SGCZ: variants seen among roughly 807,000 people sequenced by gnomAD.
SGCZ encodes sarcoglycan zeta, also known as zeta-sarcoglycan.
Under a neutral mutation model 41.3 loss-of-function variants are expected in SGCZ, and 40 were observed. The ratio of observed to expected loss-of-function variants is 0.97; its 90% CI spans 0.75 to 1.26. The LOEUF (loss-of-function observed/expected upper bound fraction) is 1.26, where lower values mean the gene tolerates loss of function less well. Ranked by LOEUF, SGCZ falls within the 50% of genes most tolerant of loss-of-function variation. The pLI, the probability that SGCZ is intolerant of heterozygous loss-of-function variation, is 0.00. For synonymous variants in SGCZ, 206 were observed against 137.5 expected, an observed-to-expected ratio of 1.50 and a Z score of -3.49; for missense variants, 552 against 369.8, an observed-to-expected ratio of 1.49 and a Z score of -4.04.
At chr8:14,567,662 G>A (rs551373883) in intron 1 of SGCZ, among the ~76,000 whole-genome samples, 2 of 152,208 alleles carry the variant, frequency 1.3e-5, no homozygotes, top group East Asian at 1.9e-4. Flanking sequence ...TTGTTCTTTC[G>A]CTCTTTGCAA....
At chr8:14,333,247 C>T (rs547470074) in intron 2 of SGCZ, among the ~76,000 whole-genome samples, 20 of 151,948 alleles carry the variant, frequency 1.3e-4, no homozygotes, top group South Asian at 1.2e-3. Context: ...AATACTATAT[C>T]GAAAAGCCAA....
At chr8:14,203,020 C>G (rs1173004290) in intron 4 of SGCZ, among the ~76,000 whole-genome samples, 1 of 152,084 alleles carries the variant, frequency 6.6e-6, no homozygotes, top group Non-Finnish European at 1.5e-5. Flanking sequence ...ATGGGAGTTT[C>G]CCTGTACAAG....
intron 1 of SGCZ, among the ~76,000 whole-genome samples, chr8:14,665,284 T>C (rs1179104279): frequency 1.3e-5 from 2 of 152,120 alleles, no homozygotes; most frequent in Non-Finnish European, 2.9e-5. Context: ...GTCCTTGTGA[T>C]AGTTTGCTGA....
At chr8:14,415,295 T>A (rs1449941269) in intron 2 of SGCZ, among the ~76,000 whole-genome samples, 1 of 151,908 alleles carries the variant, frequency 6.6e-6, no homozygotes, top group Non-Finnish European at 1.5e-5. Context: ...AAATTGTTTA[T>A]CACAACAGAA....
intron 1 of SGCZ, among the ~76,000 whole-genome samples, chr8:15,171,930 T>C (rs1799842080): frequency 6.6e-6 from 1 of 152,058 alleles, no homozygotes; most frequent in Admixed American, 6.5e-5. Context: ...GCCAAGTCAA[T>C]TGAACAGAGT....
At chr8:14,250,733 G>C (rs559518574) in intron 3 of SGCZ, among the ~76,000 whole-genome samples, 1 of 152,288 alleles carries the variant, frequency 6.6e-6, no homozygotes, top group East Asian at 1.9e-4. Context: ...TGACCTGACA[G>C]AACAGCCCTT....
At chr8:15,156,763 G>C (rs1024765901) in intron 1 of SGCZ, among the ~76,000 whole-genome samples, 29 of 151,944 alleles carry the variant, frequency 1.9e-4, no homozygotes, top group Middle Eastern at 3.2e-3. Flanking sequence ...GGCCAACATG[G>C]TGAAACCCCG....
chr8:14,104,739 G>A (rs1332875046), intron 6 of SGCZ, among the ~76,000 whole-genome samples: 1 of 151,748 alleles, frequency 6.6e-6, no homozygotes, highest in South Asian at 2.1e-4. Context: ...TTAATGATGT[G>A]TATTTATTAA....
intron 2 of SGCZ, among the ~76,000 whole-genome samples, chr8:14,407,022 A>T (rs1292545411): frequency 6.6e-6 from 1 of 151,686 alleles, no homozygotes. Context: ...TCCTGCATCA[A>T]TATGAATATA....
intron 2 of SGCZ, among the ~76,000 whole-genome samples, chr8:14,441,170 T>C (rs1052536963): frequency 6.6e-6 from 1 of 152,224 alleles, no homozygotes; most frequent in Non-Finnish European, 1.5e-5. Flanking sequence ...TCAGTTTTTA[T>C]TTTAATTTGA....
chr8:14,612,029 T>C (rs1805946091), intron 1 of SGCZ, among the ~76,000 whole-genome samples: 2 of 152,334 alleles, frequency 1.3e-5, no homozygotes, highest in South Asian at 4.1e-4. Context: ...AATAAGCCAT[T>C]AAAAAATTAT....
chr8:14,443,020 C>A (rs7386141), intron 2 of SGCZ, among the ~76,000 whole-genome samples: 66,876 of 151,736 alleles, frequency 0.44, 14,959 homozygotes, highest in Non-Finnish European at 0.47. Context: ...CCAATAACAG[C>A]CAAACAGAGA....
intron 1 of SGCZ, among the ~76,000 whole-genome samples, chr8:15,122,010 C>A (rs150980785): frequency 6.6e-6 from 1 of 150,436 alleles, no homozygotes; most frequent in Non-Finnish European, 1.5e-5. Flanking sequence ...AAATGTAATA[C>A]AAAAATTTCA....
chr8:14,163,141 G>T (rs1360777850), intron 5 of SGCZ, among the ~76,000 whole-genome samples: 1 of 152,162 alleles, frequency 6.6e-6, no homozygotes, highest in South Asian at 2.1e-4. Context: ...GGGATTATAG[G>T]CATGAGCCAC....
chr8:15,145,217 C>G (rs1246623111), intron 1 of SGCZ, among the ~76,000 whole-genome samples: 1 of 152,148 alleles, frequency 6.6e-6, no homozygotes, highest in Non-Finnish European at 1.5e-5. Context: ...TATACATTCT[C>G]TTTTGTACCT....
chr8:14,685,247 A>G (rs940693416), intron 1 of SGCZ, among the ~76,000 whole-genome samples: 5 of 152,250 alleles, frequency 3.3e-5, no homozygotes, highest in South Asian at 2.1e-4. Flanking sequence ...AGGTATATGA[A>G]TAAAACAAAC....
At chr8:14,389,958 G>C (rs1014198669) in intron 2 of SGCZ, among the ~76,000 whole-genome samples, 5 of 151,932 alleles carry the variant, frequency 3.3e-5, no homozygotes, top group Admixed American at 3.3e-4. Flanking sequence ...TGTGAGTATT[G>C]AGAAACGAAG....
At chr8:15,186,897 G>C (rs1352217074) in intron 1 of SGCZ, among the ~76,000 whole-genome samples, 2 of 152,126 alleles carry the variant, frequency 1.3e-5, no homozygotes, top group African/African-American at 2.4e-5. Context: ...TTATTGACTA[G>C]TATTCAACAG....
chr8:14,162,284 G>C (rs1804070851), intron 5 of SGCZ, among the ~76,000 whole-genome samples: 1 of 152,108 alleles, frequency 6.6e-6, no homozygotes, highest in Admixed American at 6.5e-5. Context: ...TACCCAATGA[G>C]AATATCGGAA....
Sources: gnomAD v4.1 joint callset for allele counts (sites outside exome capture counted in the v4.1 genomes callset) on GRCh38, gnomAD v4.1.1 for gene constraint, MANE v1.5 for transcripts, NCBI Gene and HGNC (gene_info 2026-07-23, HGNC 2026-07-21) for gene names.